The following ANXA8 variants were observed in gnomAD, a reference collection of about 807,000 sequenced individuals.
ANXA8 encodes VAC-beta.
ANXA8 carries 9 observed loss-of-function variants against 26.8 expected under a neutral mutation model. That is an observed-to-expected ratio of 0.34 (90% CI 0.20 to 0.59). ANXA8 has a LOEUF of 0.59. ANXA8 is among the 20% of genes least tolerant of loss of function. The pLI, the probability that ANXA8 is intolerant of heterozygous loss-of-function variation, is 0.84. For missense variants in ANXA8, 83 were observed against 238.5 expected, an observed-to-expected ratio of 0.35 and a Z score of 4.29; for synonymous variants, 39 against 94.8, an observed-to-expected ratio of 0.41 and a Z score of 3.42.
chr10:47,765,964 A>G, the ANXA8 span, among the ~76,000 whole-genome samples: 2 of 149,970 alleles, frequency 1.3e-5, no homozygotes, highest in African/African-American at 5.0e-5. Context: ...TCATGTTTCA[A>G]GATGAACCCC....
At chr10:47,684,499 C>T in the ANXA8 span, among the ~76,000 whole-genome samples, 49 of 152,014 alleles carry the variant, frequency 3.2e-4, no homozygotes, top group Non-Finnish European at 5.4e-4. Flanking sequence ...TTGTTCAACC[C>T]ACAGCCTGTG....
chr10:47,513,185 C>T, the ANXA8 span, among the ~76,000 whole-genome samples: 1 of 149,612 alleles, frequency 6.7e-6, no homozygotes, highest in African/African-American at 2.4e-5. Flanking sequence ...CAGGTGAGCG[C>T]CACCACGCCC....
the ANXA8 span, chr10:47,970,555 T>G: frequency 2.0e-5 from 3 of 151,384 alleles, no homozygotes; most frequent in Admixed American, 2.0e-4. Flanking sequence ...TATATCTATA[T>G]AAGTGATGCG....
chr10:47,490,266 T>C, the ANXA8 span: 3 of 159,654 alleles, frequency 1.9e-5, no homozygotes, highest in Non-Finnish European at 4.2e-5. Flanking sequence ...TCAGAAGAAA[T>C]GGTTCTTATT....
At chr10:47,743,355 C>CATATATATATAT in the ANXA8 span, among the ~76,000 whole-genome samples, 676 of 44,872 alleles carry the variant, frequency 0.015, 45 homozygotes, top group South Asian at 0.022. Context: ...TATATATATA[C>CATATATATATAT]ACATATATAT....
chr10:47,503,937 CAAAAA>C, the ANXA8 span, among the ~76,000 whole-genome samples: 3 of 23,442 alleles, frequency 1.3e-4, no homozygotes, highest in African/African-American at 2.1e-4. Context: ...GAGAGTCCAT[CAAAAA>C]AAAAAAAAAA....
chr10:47,686,471 C>T, the ANXA8 span, among the ~76,000 whole-genome samples: 4 of 151,698 alleles, frequency 2.6e-5, no homozygotes, highest in East Asian at 1.9e-4. Flanking sequence ...CTCAGCCTCC[C>T]GAAGTCCTGG....
chr10:47,646,791 ATTT>A, the ANXA8 span, among the ~76,000 whole-genome samples: 2 of 152,018 alleles, frequency 1.3e-5, no homozygotes, highest in Non-Finnish European at 2.9e-5. Flanking sequence ...TCATAACTAT[ATTT>A]TTTTCTCTGC....
chr10:47,768,116 C>T, the ANXA8 span, among the ~76,000 whole-genome samples: 2 of 150,886 alleles, frequency 1.3e-5, no homozygotes, highest in South Asian at 2.1e-4. Flanking sequence ...CTTCCTCAAT[C>T]GTCACCTCTG....
chr10:47,952,240 G>C, the ANXA8 span, among the ~76,000 whole-genome samples: 4 of 151,748 alleles, frequency 2.6e-5, no homozygotes, highest in African/African-American at 9.7e-5. Context: ...CTTTTGCCAT[G>C]ATCATTCAAC....
At chr10:47,470,324 A>T (rs1209054458) in intron 11 of ANXA8, among the ~76,000 whole-genome samples, 4 of 149,300 alleles carry the variant, frequency 2.7e-5, no homozygotes, top group Non-Finnish European at 5.9e-5. Context: ...GGGTGGCTTC[A>T]TGTATCTGTA....
At chr10:47,695,556 T>C in the ANXA8 span, among the ~76,000 whole-genome samples, 5 of 151,710 alleles carry the variant, frequency 3.3e-5, no homozygotes, top group Non-Finnish European at 7.4e-5. Flanking sequence ...GGAATTTCCA[T>C]TAGGCAGTTG....
At chr10:47,627,649 A>C in the ANXA8 span, among the ~76,000 whole-genome samples, 11 of 150,140 alleles carry the variant, frequency 7.3e-5, 2 homozygotes, top group African/African-American at 2.8e-4. Context: ...CCTAGTACTT[A>C]ACTTTCTTCT....
At chr10:47,614,167 C>G in the ANXA8 span, among the ~76,000 whole-genome samples, 15 of 74,820 alleles carry the variant, frequency 2.0e-4, 3 homozygotes, top group Admixed American at 5.7e-4. Context: ...CCCTGGAAGA[C>G]ATCAACTTTA....
the ANXA8 span, among the ~76,000 whole-genome samples, chr10:47,944,919 GC>G: frequency 1.4e-5 from 2 of 144,466 alleles, no homozygotes; most frequent in Non-Finnish European, 3.0e-5. Flanking sequence ...TTCTCCTGCA[GC>G]CCCATCTCGC....
At chr10:47,556,829 A>G in the ANXA8 span, among the ~76,000 whole-genome samples, 3 of 147,148 alleles carry the variant, frequency 2.0e-5, no homozygotes, top group African/African-American at 7.5e-5. Context: ...TATTTTTCCA[A>G]TATCAGCTAA....
the ANXA8 span, among the ~76,000 whole-genome samples, chr10:47,617,267 C>T: frequency 4.7e-5 from 7 of 150,418 alleles, no homozygotes. Flanking sequence ...GATATTGCTG[C>T]TAATAAAAAA....
chr10:47,703,876 C>T, the ANXA8 span, among the ~76,000 whole-genome samples: 2 of 146,840 alleles, frequency 1.4e-5, no homozygotes, highest in South Asian at 2.2e-4. Flanking sequence ...GAAGGATCCA[C>T]CATATTTTTT....
At chr10:47,484,212 G>T, upstream of ANXA8, 1 of 738,394 alleles carries the variant, frequency 1.4e-6, no homozygotes, top group Non-Finnish European at 2.4e-6. Flanking sequence ...AGATATTTGG[G>T]CTGTGGCTGT....
Sources: gnomAD v4.1 joint callset for allele counts (sites outside exome capture counted in the v4.1 genomes callset) on GRCh38, gnomAD v4.1.1 for gene constraint, MANE v1.5 for transcripts, NCBI Gene and HGNC (gene_info 2026-07-23, HGNC 2026-07-21) for gene names.